The following SULT1E1 variants were observed in gnomAD, a reference collection of about 807,000 sequenced individuals.
The protein encoded by SULT1E1 is sulfotransferase family 1E member 1, also known as sulfotransferase 1E1.
SULT1E1 carries 36 observed loss-of-function variants against 33.6 expected under a neutral mutation model. That is an observed-to-expected ratio of 1.07 (90% CI 0.82 to 1.41). The LOEUF is 1.41. Among genes scored for constraint, SULT1E1 ranks in the 40% most tolerant of loss-of-function variants. The pLI is 0.00. For synonymous variants in SULT1E1, 121 were observed against 111.7 expected, an observed-to-expected ratio of 1.08 and a Z score of -0.53; for missense variants, 371 against 345.7, an observed-to-expected ratio of 1.07 and a Z score of -0.58.
chr4:69,852,169 T>C (rs1416833235), intron 4 of SULT1E1, among the ~76,000 whole-genome samples: 4 of 152,094 alleles, frequency 2.6e-5, no homozygotes, highest in African/African-American at 7.2e-5. Context: ...AACTAACTAA[T>C]CTATACCTCT....
At chr4:69,845,508 C>A (rs1244386316) in intron 6 of SULT1E1, among the ~76,000 whole-genome samples, 1 of 150,600 alleles carries the variant, frequency 6.6e-6, no homozygotes, top group African/African-American at 2.4e-5. Context: ...TATATGGGTG[C>A]AAAATAGGCA....
intron 1 of SULT1E1, among the ~76,000 whole-genome samples, chr4:69,859,061 G>C (rs917184396): frequency 6.6e-6 from 1 of 151,864 alleles, no homozygotes; most frequent in Non-Finnish European, 1.5e-5. Context: ...TACAATGTAT[G>C]GATTTACTTC....
chr4:69,834,081 A>C, the SULT1E1 span, among the ~76,000 whole-genome samples: 1 of 151,900 alleles, frequency 6.6e-6, no homozygotes, highest in East Asian at 1.9e-4. Flanking sequence ...TAGTGACCTC[A>C]TTTTCTTCTG....
At chr4:69,842,833 T>A (rs1720907067) in intron 7 of SULT1E1, among the ~76,000 whole-genome samples, 1 of 151,942 alleles carries the variant, frequency 6.6e-6, no homozygotes, top group African/African-American at 2.4e-5. Context: ...AATTCATCTT[T>A]TTTTTTTTTC....
chr4:69,838,698 G>A (rs1720834444), downstream of SULT1E1: 1 of 152,286 alleles, frequency 6.6e-6, no homozygotes, highest in Non-Finnish European at 1.5e-5. Flanking sequence ...CCTGGGGAAT[G>A]GAAAGTGGCA....
the SULT1E1 span, among the ~76,000 whole-genome samples, chr4:69,835,814 G>C: frequency 1.3e-5 from 2 of 152,186 alleles, no homozygotes; most frequent in South Asian, 4.1e-4. Context: ...TATTTTTGTA[G>C]AGACTGGGTT....
At chr4:69,831,204 G>A in the SULT1E1 span, among the ~76,000 whole-genome samples, 5,771 of 152,194 alleles carry the variant, frequency 0.038, 249 homozygotes, top group East Asian at 0.24. Flanking sequence ...AGGAGGATGA[G>A]GAAATTCTGT....
the SULT1E1 span, among the ~76,000 whole-genome samples, chr4:69,824,408 C>T: frequency 6.6e-6 from 1 of 152,292 alleles, no homozygotes; most frequent in East Asian, 1.9e-4. Context: ...AAGCTGGAGC[C>T]TGAGTCAAGG....
chr4:69,850,430 G>T lies in SULT1E1; in HGVS notation c.370-867C>A, dbSNP rs11573769. 8.9e-3 allele frequency among the ~76,000 whole-genome samples: 1,349 copies of T among 152,110 alleles called. 23 individuals carry two copies. The highest frequency in any genetic ancestry group is 0.031 in the African/African-American group (1,284 of 41,522). On this transcript the variant is annotated intron_variant, in intron 4 of 7. Coordinates refer to ENST00000226444, the MANE Select transcript of SULT1E1 (RefSeq NM_005420.3). ...GTTTATGGAATACCACTAAACTAAA[G>T]CTACTAAATTGTCTTACTGATGACA...
chr4:69,851,019 T>G (rs2110070335), intron 4 of SULT1E1, among the ~76,000 whole-genome samples: 1 of 152,242 alleles, frequency 6.6e-6, no homozygotes, highest in Non-Finnish European at 1.5e-5. Flanking sequence ...CTTGTGATTG[T>G]AATCTGTCTT....
chr4:69,851,576 G>T (rs936807148), intron 4 of SULT1E1, among the ~76,000 whole-genome samples: 31 of 152,240 alleles, frequency 2.0e-4, no homozygotes, highest in African/African-American at 7.5e-4. Context: ...CGATCCCTCA[G>T]GGATCTAGAA....
At chr4:69,822,893 C>T in the SULT1E1 span, among the ~76,000 whole-genome samples, 1 of 152,092 alleles carries the variant, frequency 6.6e-6, no homozygotes, top group Non-Finnish European at 1.5e-5. Flanking sequence ...AAAAATGGTC[C>T]TGCAAAATTA....
downstream of SULT1E1, among the ~76,000 whole-genome samples, chr4:69,837,299 C>A (rs899407476): frequency 6.6e-6 from 1 of 151,910 alleles, no homozygotes; most frequent in Non-Finnish European, 1.5e-5. Flanking sequence ...AGAGTTGTGA[C>A]AATGAAATGA....
At chr4:69,858,160 G>A (rs1249522906) in intron 1 of SULT1E1, among the ~76,000 whole-genome samples, 3 of 151,944 alleles carry the variant, frequency 2.0e-5, no homozygotes, top group African/African-American at 7.3e-5. Flanking sequence ...TAAACCAAAT[G>A]CTTGGTGAAT....
At chr4:69,847,621 A>C (rs1721004993) in intron 6 of SULT1E1, 77 bp downstream of exon 6, 14 of 964,890 alleles carry the variant, frequency 1.5e-5, no homozygotes, top group Middle Eastern at 2.2e-4. Context: ...TTAAAGGAAT[A>C]TTTTTGTATC....
At chr4:69,857,322 A>T (rs1578107474) in intron 2 of SULT1E1, among the ~76,000 whole-genome samples, 178 bp downstream of exon 2, 1 of 152,210 alleles carries the variant, frequency 6.6e-6, no homozygotes, top group Admixed American at 6.5e-5. Context: ...TGTACTATTC[A>T]AGTTACAGGT....
At chr4:69,821,443 G>T in the SULT1E1 span, among the ~76,000 whole-genome samples, 1 of 152,174 alleles carries the variant, frequency 6.6e-6, no homozygotes, top group Non-Finnish European at 1.5e-5. Flanking sequence ...GCAACATTAA[G>T]ACACAGATAT....
chr4:69,833,509 G>C, the SULT1E1 span, among the ~76,000 whole-genome samples: 2 of 152,186 alleles, frequency 1.3e-5, no homozygotes, highest in Non-Finnish European at 2.9e-5. Context: ...TTGAAGGCAA[G>C]TATCAATCTG....
At chr4:69,849,668 A>C (rs1578104273) in intron 4 of SULT1E1, 105 bp from the exon 5 acceptor site, 2 of 1,052,920 alleles carry the variant, frequency 1.9e-6, no homozygotes, top group East Asian at 2.8e-5. Flanking sequence ...AACATAATAC[A>C]CATTAATTTT....
Sources: allele counts gnomAD v4.1 joint callset (sites outside exome capture counted in the v4.1 genomes callset), GRCh38; gene constraint gnomAD v4.1.1; transcripts MANE v1.5; gene names NCBI Gene and HGNC (gene_info 2026-07-23, HGNC 2026-07-21).